ADAMTS19: variants seen among roughly 807,000 people sequenced by gnomAD.
ADAMTS19 encodes the protein ADAM metallopeptidase with thrombospondin type 1 motif 19.
Under a neutral mutation model 153.3 loss-of-function variants are expected in ADAMTS19, and 93 were observed. The ratio of observed to expected loss-of-function variants is 0.61; its 90% CI spans 0.51 to 0.72. The LOEUF is 0.72. Among genes scored for constraint, ADAMTS19 ranks in the 30% least tolerant of loss-of-function variants. ADAMTS19 has a pLI of 0.00. For synonymous variants in ADAMTS19, 600 were observed against 556.6 expected (o/e 1.08, Z -1.10); for missense variants, 1,482 against 1,552.1 (o/e 0.95, Z 0.76).
At chr5:129,556,214 A>G (rs1753306001) in intron 7 of ADAMTS19, among the ~76,000 whole-genome samples, 1 of 152,198 alleles carries the variant, frequency 6.6e-6, no homozygotes, top group Admixed American at 6.5e-5. Context: ...ATGCTATTAT[A>G]TGTTTTAACC....
At chr5:129,690,120 CCA>C (rs57425674) in intron 18 of ADAMTS19, among the ~76,000 whole-genome samples, 12,148 of 152,174 alleles carry the variant, frequency 0.08, 583 homozygotes, top group Middle Eastern at 0.14. Context: ...GACCATGCAT[CCA>C]CTATTGCTAG....
chr5:129,584,273 A>G (rs1455192807), intron 7 of ADAMTS19, among the ~76,000 whole-genome samples: 2 of 152,066 alleles, frequency 1.3e-5, no homozygotes, highest in South Asian at 2.1e-4. Context: ...TGGAAGCTTC[A>G]TCCCAGAGAG....
intron 7 of ADAMTS19, 40 bp from the exon 8 acceptor site, chr5:129,596,519 T>C (rs1230152955): frequency 2.2e-6 from 3 of 1,334,032 alleles, no homozygotes; most frequent in Non-Finnish European, 3.2e-6. Flanking sequence ...TATTTGCATA[T>C]TCATTCAGAC....
intron 2 of ADAMTS19, among the ~76,000 whole-genome samples, chr5:129,469,444 G>T (rs950618477): frequency 6.6e-6 from 1 of 152,102 alleles, no homozygotes; most frequent in Non-Finnish European, 1.5e-5. Context: ...CACCTTGTAG[G>T]AGAGTAAATT....
Position 129,461,571 on chromosome 5 carries a change from G to A in ADAMTS19, c.561G>A (p.Arg187=). The change falls in exon 2 of 23, where the codon CGG becomes CGA. Residue 187 remains arginine, a synonymous_variant. Transcript: ENST00000274487. The surrounding 1 kb of genome is among the most constrained non-coding windows in gnomAD (Gnocchi z 4.6). ...AFSRDLYLLL[R]RDGRFLAPRF... is the part of the protein sequence containing the mutation. ...CTCGGGACCTGTACCTGCTGCTCCG[G>A]AGAGACGGCCGCTTCCTGGCGCCGC... 2 of 1,562,072 alleles carry A rather than the reference G, an allele frequency of 1.3e-6. No individual in the cohort carries two copies. The highest frequency in any genetic ancestry group is 1.7e-6 in the Non-Finnish European group (2 of 1,160,894).
At chr5:129,652,593 G>A (rs943416945) in intron 13 of ADAMTS19, among the ~76,000 whole-genome samples, 6 of 152,298 alleles carry the variant, frequency 3.9e-5, no homozygotes, top group Middle Eastern at 3.4e-3. Flanking sequence ...ACAGCCTTGA[G>A]GGTATACTCC....
chr5:129,495,228 G>C (rs1430863372), intron 2 of ADAMTS19, among the ~76,000 whole-genome samples: 1 of 152,016 alleles, frequency 6.6e-6, no homozygotes, highest in Non-Finnish European at 1.5e-5. Context: ...TCCTGTGCCA[G>C]TCTGCACCAG....
intron 7 of ADAMTS19, among the ~76,000 whole-genome samples, chr5:129,593,577 C>G (rs2126913614): frequency 6.6e-6 from 1 of 152,156 alleles, no homozygotes; most frequent in African/African-American, 2.4e-5. Flanking sequence ...TATCGGGCTC[C>G]CTCTAACCTT....
In ADAMTS19 at chr5:129,737,113, C is replaced by G; in HGVS notation, c.3537C>G (p.Cys1179Trp). 6.2e-7 allele frequency: 1 copy of G among 1,610,638 alleles called. No homozygotes were observed. The highest frequency in any genetic ancestry group is 8.5e-7 in the Non-Finnish European group (1 of 1,177,782). Residue 1179 changes from cysteine (C) to tryptophan (W), a missense_variant, in exon 23 of 23, where the codon TGC (cysteine) becomes TGG (tryptophan). Coordinates refer to ENST00000274487, the MANE Select transcript of ADAMTS19 (RefSeq NM_133638.6). Reference sequence around the variant, plus strand: ...TGGGAGATCAGTGGCCAGTGTACTGCCGAGTGATACGTGAAAAGAACCTAT... The same window carrying G: ...TGGGAGATCAGTGGCCAGTGTACTGGCGAGTGATACGTGAAAAGAACCTAT... ...KCLGDQWPVY[C>W]RVIREKNLCQ...
rs188775880 is a variant in ADAMTS19 at position 129,535,488 on chromosome 5, A to G, written c.1328+6811A>G. ...TATCCTGAAAATGGCCATACTGCCC[A>G]AGGTAATTTAGAGATTCAATGCCAT... On this transcript the variant is annotated intron_variant, in intron 6 of 22. Coordinates refer to ENST00000274487, the MANE Select transcript of ADAMTS19 (RefSeq NM_133638.6). 7.3e-4 allele frequency among the ~76,000 whole-genome samples: 111 copies of G among 152,302 alleles called. No individual in the cohort carries two copies. The East Asian group carries it at 0.016, about 22-fold the overall frequency.
chr5:129,617,438 T>G (rs1259257323), intron 8 of ADAMTS19, among the ~76,000 whole-genome samples: 2 of 152,060 alleles, frequency 1.3e-5, no homozygotes, highest in Non-Finnish European at 2.9e-5. Context: ...TTGCCAAATC[T>G]TGGAAGCAAT....
intron 16 of ADAMTS19, among the ~76,000 whole-genome samples, chr5:129,667,201 A>C (rs30668): frequency 0.48 from 72,510 of 151,940 alleles, 19,934 homozygotes; most frequent in African/African-American, 0.76. Flanking sequence ...ACTGGATGCC[A>C]CTTACTGGTC....
At position 129,713,810 on chromosome 5, in the gene ADAMTS19, G is replaced by T. The variant is rs1412790474; in HGVS notation, c.3312+9419G>T. Reference sequence around the variant, plus strand: ...ATGTTTTTAACAAACAGAGCCATGGGCCCTGAGCTGGGGGTTCTGGCCTTG... The same window carrying T: ...ATGTTTTTAACAAACAGAGCCATGGTCCCTGAGCTGGGGGTTCTGGCCTTG... On this transcript the variant is annotated intron_variant, in intron 21 of 22. Transcript: ENST00000274487. Among the ~76,000 whole-genome samples, 4 of 138,140 alleles carry T rather than the reference G, an allele frequency of 2.9e-5. No homozygotes were observed. The East Asian group carries it at 9.0e-4, about 31-fold the overall frequency. 90.6% of individuals were successfully genotyped at this position (138,140 alleles called of 152,430 possible). A position where few individuals can be genotyped will look rare whatever the true frequency, so the allele number is the denominator to read the frequency against.
At chr5:129,585,938 G>A (rs1320990612) in intron 7 of ADAMTS19, among the ~76,000 whole-genome samples, 1 of 152,000 alleles carries the variant, frequency 6.6e-6, no homozygotes, top group Non-Finnish European at 1.5e-5. Flanking sequence ...ATTTTCAGCA[G>A]TTTTGCATTG....
intron 12 of ADAMTS19, among the ~76,000 whole-genome samples, chr5:129,648,559 G>A (rs1753169172): frequency 1.3e-5 from 2 of 152,058 alleles, no homozygotes; most frequent in South Asian, 4.1e-4. Flanking sequence ...CATTTTCATG[G>A]CAAGTGGGAT....
At chr5:129,471,383 A>T (rs1750059900) in intron 2 of ADAMTS19, among the ~76,000 whole-genome samples, 1 of 150,924 alleles carries the variant, frequency 6.6e-6, no homozygotes, top group South Asian at 2.1e-4. Context: ...TGAAAGAAAG[A>T]CAGAGAAAGA....
At chr5:129,659,908 TTGATATGCTTA>T (rs1278123162) in intron 15 of ADAMTS19, among the ~76,000 whole-genome samples, 1 of 152,192 alleles carries the variant, frequency 6.6e-6, no homozygotes, top group East Asian at 1.9e-4. Flanking sequence ...GTTTTCATCA[TTGATATGCTTA>T]TATTACAGAT....
At chr5:129,609,701 T>C (rs1413695743) in intron 8 of ADAMTS19, among the ~76,000 whole-genome samples, 1 of 152,172 alleles carries the variant, frequency 6.6e-6, no homozygotes, top group East Asian at 1.9e-4. Context: ...AGCTCTCCCA[T>C]ACCAGATTCT....
chr5:129,603,553 T>C (rs1211062270), intron 8 of ADAMTS19, among the ~76,000 whole-genome samples: 1 of 152,174 alleles, frequency 6.6e-6, no homozygotes, highest in Non-Finnish European at 1.5e-5. Flanking sequence ...CCTTGCATTA[T>C]TGTGTATGGT....
Sources: allele counts gnomAD v4.1 joint callset (sites outside exome capture counted in the v4.1 genomes callset), GRCh38; gene constraint gnomAD v4.1.1; non-coding constraint Gnocchi (gnomAD v3.1); transcripts MANE v1.5; gene names NCBI Gene and HGNC (gene_info 2026-07-23, HGNC 2026-07-21).